Variants in NRXN3 observed in about 807,000 individuals in gnomAD.
NRXN3 encodes neurexin III.
A neutral mutation model predicts 137.6 loss-of-function variants in NRXN3; 32 were observed. The observed-to-expected ratio is 0.23, with a 90% confidence interval of 0.18 to 0.31. The LOEUF (loss-of-function observed/expected upper bound fraction) is 0.31, where lower values mean the gene tolerates loss of function less well. Among genes scored for constraint, NRXN3 ranks in the 10% least tolerant of loss-of-function variants. The pLI is 1.00. For missense variants in NRXN3, 1,574 were observed against 2,062.5 expected, an observed-to-expected ratio of 0.76 and a Z score of 4.59; for synonymous variants, 798 against 784.5, an observed-to-expected ratio of 1.02 and a Z score of -0.29.
At chr14:78,859,292 G>C (rs1190796401) in intron 10 of NRXN3, among the ~76,000 whole-genome samples, 1 of 152,036 alleles carries the variant, frequency 6.6e-6, no homozygotes, top group Non-Finnish European at 1.5e-5. Flanking sequence ...ACCCAGTCTT[G>C]GGTACTCCTT....
At chr14:78,755,372 G>A (rs1031019154) in intron 8 of NRXN3, among the ~76,000 whole-genome samples, 1 of 151,910 alleles carries the variant, frequency 6.6e-6, no homozygotes, top group Non-Finnish European at 1.5e-5. Flanking sequence ...ATAGGCTGTT[G>A]GTTCTATCAG....
chr14:78,444,973 G>A (rs918076330), intron 4 of NRXN3, among the ~76,000 whole-genome samples: 2 of 146,638 alleles, frequency 1.4e-5, no homozygotes, highest in African/African-American at 2.5e-5. Context: ...AGGGAGTAAG[G>A]CCACCCAAGA....
intron 16 of NRXN3, among the ~76,000 whole-genome samples, chr14:79,485,718 G>A (rs1324888895): frequency 6.6e-6 from 1 of 152,148 alleles, no homozygotes; most frequent in East Asian, 1.9e-4. Flanking sequence ...GTGAAATCAA[G>A]GGAGAGGATT....
chr14:78,541,448 A>G (rs981322696), intron 4 of NRXN3, among the ~76,000 whole-genome samples: 2 of 152,224 alleles, frequency 1.3e-5, no homozygotes, highest in African/African-American at 4.8e-5. Flanking sequence ...TTCTCGTGCC[A>G]TGATTTTCAG....
At chr14:78,896,948 G>A (rs2099178162) in intron 10 of NRXN3, among the ~76,000 whole-genome samples, 1 of 151,856 alleles carries the variant, frequency 6.6e-6, no homozygotes, top group Non-Finnish European at 1.5e-5. Context: ...GCTTTGAGCA[G>A]AGTTTGGCAA....
At chr14:79,154,697 G>A (rs1305668985) in intron 15 of NRXN3, among the ~76,000 whole-genome samples, 2 of 151,810 alleles carry the variant, frequency 1.3e-5, no homozygotes, top group Non-Finnish European at 2.9e-5. Context: ...TATATCATGA[G>A]ACTTTGTGAC....
intron 4 of NRXN3, among the ~76,000 whole-genome samples, chr14:78,541,741 A>G (rs1266522807): frequency 6.6e-6 from 1 of 152,140 alleles, no homozygotes; most frequent in East Asian, 1.9e-4. Context: ...GTTTCTCCCC[A>G]CCTTTGTGCT....
chr14:78,878,297 A>C lies in NRXN3; in HGVS notation c.2275+67953A>C, dbSNP rs886229883. ...TTACTTAAACTTACTTTTCTTCACT[A>C]TTTAAAAAGTCCAGAGGGCACAAGT... On this transcript the variant is annotated intron_variant, in intron 10 of 20. Transcript: ENST00000335750. 5.9e-5 allele frequency among the ~76,000 whole-genome samples: 9 copies of C among 152,268 alleles called. 1 individual carries two copies. Among genetic ancestry groups the C allele is most frequent in the Non-Finnish European group, 7.4e-5 (5 of 67,970 alleles).
At chr14:79,196,043 A>C (rs540529861) in intron 15 of NRXN3, among the ~76,000 whole-genome samples, 2 of 152,216 alleles carry the variant, frequency 1.3e-5, no homozygotes, top group African/African-American at 4.8e-5. Flanking sequence ...CCAGATTGAC[A>C]TCCTCAAGTT....
intron 16 of NRXN3, among the ~76,000 whole-genome samples, chr14:79,504,174 T>C (rs1452221641): frequency 1.3e-5 from 2 of 152,194 alleles, no homozygotes; most frequent in Admixed American, 1.3e-4. Context: ...CCCTATTAGA[T>C]GAAGACCAAA....
chr14:79,018,571 C>G (rs982306545), intron 15 of NRXN3, among the ~76,000 whole-genome samples: 3 of 152,120 alleles, frequency 2.0e-5, no homozygotes, highest in Admixed American at 2.0e-4. Flanking sequence ...ATGGGCTCCT[C>G]TGGACAGTGT....
In NRXN3 at chr14:79,191,856, G is replaced by A. The variant is rs113918128; in HGVS notation, c.3262+203715G>A. Among the ~76,000 whole-genome samples the A allele has an allele frequency of 1.8e-3, 273 of 152,126 alleles. 1 individual carries two copies. Among genetic ancestry groups the A allele is most frequent in the East Asian group, 0.015 (77 of 5,170 alleles). On this transcript the variant is annotated intron_variant, in intron 15 of 20. Transcript: ENST00000335750. Reference sequence around the variant, plus strand: ...CATATTGATATTCCACTGGCGATGAGTAAGCATGCCTTACCACTTCACAAA... The same window carrying A: ...CATATTGATATTCCACTGGCGATGAATAAGCATGCCTTACCACTTCACAAA...
At chr14:79,072,171 A>T (rs1568189168) in intron 15 of NRXN3, 1 of 152,210 alleles carries the variant, frequency 6.6e-6, no homozygotes, top group Non-Finnish European at 1.5e-5. Flanking sequence ...GCCATTCAAG[A>T]CCAATGCAGA....
chr14:78,306,702 T>C (rs1447776150), intron 4 of NRXN3, among the ~76,000 whole-genome samples: 2 of 152,156 alleles, frequency 1.3e-5, no homozygotes, highest in African/African-American at 4.8e-5. Context: ...TTTGTAGGTG[T>C]ACTGAAAATA....
intron 15 of NRXN3, among the ~76,000 whole-genome samples, chr14:79,376,275 T>C (rs1322020345): frequency 8.1e-6 from 1 of 123,968 alleles, no homozygotes; most frequent in Non-Finnish European, 1.6e-5. Flanking sequence ...TACACATACA[T>C]ATGACTCCAA....
chr14:78,196,643 G>A (rs997966987), intron 1 of NRXN3, among the ~76,000 whole-genome samples: 1 of 152,206 alleles, frequency 6.6e-6, no homozygotes, highest in Non-Finnish European at 1.5e-5. Context: ...TGCAGTAGGT[G>A]CAGGAGATAC....
In NRXN3 at chr14:79,707,261, G is replaced by T. The variant is rs1042705409; in HGVS notation, c.4014+9324G>T. ...AGAAAAATAAATGTGTTAAACGAAT[G>T]AAAGTAAGTTAAGCAAATGCTTATC... On this transcript the variant is annotated intron_variant, in intron 19 of 20. Coordinates refer to ENST00000335750, the MANE Select transcript of NRXN3 (RefSeq NM_001330195.2). Among the ~76,000 whole-genome samples the T allele has an allele frequency of 3.3e-4, 50 of 152,216 alleles. 1 individual carries two copies. The highest frequency in any genetic ancestry group is 3.3e-3 in the Admixed American group (50 of 15,282).
chr14:78,474,649 T>C (rs1222898525), intron 4 of NRXN3, among the ~76,000 whole-genome samples: 2 of 152,186 alleles, frequency 1.3e-5, no homozygotes, highest in Non-Finnish European at 2.9e-5. Context: ...CAGGAAGGAA[T>C]TGATAGTTGC....
chr14:79,776,689 A>C (rs2099098202), intron 19 of NRXN3, among the ~76,000 whole-genome samples: 1 of 152,186 alleles, frequency 6.6e-6, no homozygotes, highest in Non-Finnish European at 1.5e-5. Context: ...CCACACTGTT[A>C]GGTAACTGAG....
Sources: gnomAD v4.1 joint callset for allele counts (sites outside exome capture counted in the v4.1 genomes callset) on GRCh38, gnomAD v4.1.1 for gene constraint, MANE v1.5 for transcripts, NCBI Gene and HGNC (gene_info 2026-07-23, HGNC 2026-07-21) for gene names.